The following HS3ST5 variants were observed in gnomAD, a reference collection of about 807,000 sequenced individuals.
HS3ST5 encodes the protein heparan sulfate-glucosamine 3-sulfotransferase 5.
HS3ST5 carries 10 observed loss-of-function variants against 25.4 expected under a neutral mutation model. That is an observed-to-expected ratio of 0.39 (90% CI 0.24 to 0.67). The LOEUF (loss-of-function observed/expected upper bound fraction) is 0.67. Among genes scored for constraint, HS3ST5 ranks in the 30% least tolerant of loss-of-function variants. HS3ST5 has a pLI of 0.44. For synonymous variants in HS3ST5, 170 were observed against 162.4 expected, an observed-to-expected ratio of 1.05 and a Z score of -0.36; for missense variants, 324 against 420.7, an observed-to-expected ratio of 0.77 and a Z score of 2.01.
chr6:114,326,823 T>C (rs1776194101), intron 1 of HS3ST5, among the ~76,000 whole-genome samples: 1 of 152,120 alleles, frequency 6.6e-6, no homozygotes, highest in Admixed American at 6.5e-5. Flanking sequence ...TGTAAACTTC[T>C]TTTTCAGTGA....
At chr6:114,185,940 CCCCAAG>C (rs1449711719) in intron 2 of HS3ST5, among the ~76,000 whole-genome samples, 2 of 151,958 alleles carry the variant, frequency 1.3e-5, no homozygotes, top group African/African-American at 2.4e-5. Context: ...CCCTATTTTG[CCCCAAG>C]CTGTGATCTG....
At chr6:114,178,219 A>G (rs1779811147) in intron 2 of HS3ST5, among the ~76,000 whole-genome samples, 1 of 152,128 alleles carries the variant, frequency 6.6e-6, no homozygotes, top group Non-Finnish European at 1.5e-5. Context: ...AAAGCAACAA[A>G]AGAACAACCT....
Position 114,228,214 on chromosome 6 carries a change from C to G in HS3ST5, c.-145+371G>C, listed in dbSNP as rs1317798340. 2.0e-5 allele frequency among the ~76,000 whole-genome samples: 3 copies of G among 152,074 alleles called. No individual in the cohort carries two copies. In the East Asian group the frequency reaches 5.8e-4, roughly 29 times the overall value. On this transcript the variant is annotated intron_variant, in intron 2 of 4. Transcript: ENST00000312719. The stretch of plus-strand genomic sequence containing the variant: ...ACGACACATCCCATTCCTAGTGGAT[C>G]TACGTTTCTGTGAAATATCCCCAGG...
chr6:114,277,035 C>T (rs932349902), intron 1 of HS3ST5, among the ~76,000 whole-genome samples: 1 of 152,046 alleles, frequency 6.6e-6, no homozygotes, highest in Admixed American at 6.6e-5. Flanking sequence ...CAGCTTTACC[C>T]TTTCCCCAGT....
chr6:114,201,675 T>C (rs1401640830), intron 2 of HS3ST5, among the ~76,000 whole-genome samples: 1 of 152,152 alleles, frequency 6.6e-6, no homozygotes, highest in African/African-American at 2.4e-5. Context: ...GTTCTCAGGC[T>C]GCTAATAAAG....
At chr6:114,123,579 T>C (rs947691017) in intron 3 of HS3ST5, among the ~76,000 whole-genome samples, 4 of 152,120 alleles carry the variant, frequency 2.6e-5, no homozygotes, top group African/African-American at 4.8e-5. Context: ...TAACATAAGG[T>C]CTCCTTTCCA....
chr6:114,081,810 A>G (rs1414447714), intron 3 of HS3ST5, among the ~76,000 whole-genome samples: 1 of 152,166 alleles, frequency 6.6e-6, no homozygotes, highest in African/African-American at 2.4e-5. Context: ...ATTTATCCAC[A>G]TTTATCAATA....
chr6:114,077,952 G>A (rs1468377477), intron 3 of HS3ST5, among the ~76,000 whole-genome samples: 1 of 151,898 alleles, frequency 6.6e-6, no homozygotes, highest in Non-Finnish European at 1.5e-5. Context: ...ATAACACTAT[G>A]CCATGTATTT....
At chr6:114,101,673 A>G (rs1775740903) in intron 3 of HS3ST5, among the ~76,000 whole-genome samples, 1 of 152,214 alleles carries the variant, frequency 6.6e-6, no homozygotes, top group Admixed American at 6.5e-5. Context: ...CAGAATTATC[A>G]TTTGACCCAG....
At chr6:114,222,414 A>C (rs1782085961) in intron 2 of HS3ST5, among the ~76,000 whole-genome samples, 2 of 151,892 alleles carry the variant, frequency 1.3e-5, no homozygotes, top group Non-Finnish European at 2.9e-5. Context: ...TGAATGAAGA[A>C]ATGAAGAATG....
chr6:114,152,602 T>C (rs1294202217), intron 3 of HS3ST5, among the ~76,000 whole-genome samples: 1 of 152,212 alleles, frequency 6.6e-6, no homozygotes, highest in Non-Finnish European at 1.5e-5. Context: ...TCATCTTTCT[T>C]CTCAGAATTT....
chr6:114,316,239 T>C (rs1775742335), intron 1 of HS3ST5, among the ~76,000 whole-genome samples: 1 of 152,210 alleles, frequency 6.6e-6, no homozygotes, highest in Non-Finnish European at 1.5e-5. Flanking sequence ...ATTTTAGTAG[T>C]CTGTCTGTGT....
chr6:114,146,052 AT>A (rs977768780), intron 3 of HS3ST5, among the ~76,000 whole-genome samples: 1 of 152,212 alleles, frequency 6.6e-6, no homozygotes, highest in African/African-American at 2.4e-5. Flanking sequence ...ATAGAAAAAA[AT>A]AGTCTGATTT....
chr6:114,317,577 T>C (rs1215288202), intron 1 of HS3ST5, among the ~76,000 whole-genome samples: 1 of 152,104 alleles, frequency 6.6e-6, no homozygotes, highest in African/African-American at 2.4e-5. Context: ...TAATGAAAAA[T>C]ACATTTCATA....
chr6:114,107,521 G>C (rs1269210681), intron 3 of HS3ST5, among the ~76,000 whole-genome samples: 1 of 152,200 alleles, frequency 6.6e-6, no homozygotes, highest in Non-Finnish European at 1.5e-5. Flanking sequence ...TGTTTTGAAA[G>C]TTCCAGCCAG....
intron 1 of HS3ST5, among the ~76,000 whole-genome samples, chr6:114,302,859 G>C (rs1012821538): frequency 9.2e-5 from 14 of 152,068 alleles, no homozygotes; most frequent in African/African-American, 3.4e-4. Context: ...ACTGAATATG[G>C]ATGAACAACT....
At position 114,305,593 on chromosome 6, in the gene HS3ST5, CA is replaced by C. The variant is rs1261772477; in HGVS notation, c.-339+36601del. ...ATCTTATGTGTACTTTTCATTTCAT[CA>C]CACAGATTATTAAAAAGACCATGCT... On this transcript the variant is annotated intron_variant, in intron 1 of 4. Transcript: ENST00000312719. 2.0e-5 allele frequency among the ~76,000 whole-genome samples: 3 copies of C among 152,122 alleles called. No homozygotes were observed. The South Asian group carries it at 6.2e-4, about 32-fold the overall frequency.
intron 1 of HS3ST5, among the ~76,000 whole-genome samples, chr6:114,292,752 T>C (rs1043154701): frequency 3.3e-5 from 5 of 152,202 alleles, no homozygotes; most frequent in Admixed American, 1.3e-4. Flanking sequence ...CGAAGATACC[T>C]GAGGATGCTC....
At chr6:114,160,462 T>C (rs544723724) in intron 3 of HS3ST5, among the ~76,000 whole-genome samples, 39 of 151,852 alleles carry the variant, frequency 2.6e-4, no homozygotes, top group African/African-American at 9.2e-4. Flanking sequence ...AATTAGAAAT[T>C]CCCCCTCCCC....
Sources: allele counts gnomAD v4.1 joint callset (sites outside exome capture counted in the v4.1 genomes callset), GRCh38; gene constraint gnomAD v4.1.1; transcripts MANE v1.5; gene names NCBI Gene and HGNC (gene_info 2026-07-23, HGNC 2026-07-21).